The following CPVL variants were observed in gnomAD, a reference collection of about 807,000 sequenced individuals.
CPVL encodes carboxypeptidase vitellogenic like.
CPVL carries 51 observed loss-of-function variants against 63.7 expected under a neutral mutation model. The observed-to-expected ratio is 0.80, with a 90% confidence interval of 0.64 to 1.01. The LOEUF (loss-of-function observed/expected upper bound fraction) is 1.01, where lower values mean the gene tolerates loss of function less well. Ranked by LOEUF, CPVL falls within the 50% of genes least tolerant of loss-of-function variation. The pLI is 0.00. For missense variants in CPVL, 530 were observed against 573.1 expected (o/e 0.92, Z 0.77); for synonymous variants, 195 against 206.0 (o/e 0.95, Z 0.46).
At chr7:29,129,225 G>C (rs1025153161) in intron 1 of CPVL, among the ~76,000 whole-genome samples, 7 of 152,146 alleles carry the variant, frequency 4.6e-5, no homozygotes. Flanking sequence ...ATGAGAAATG[G>C]TCAGCTACAT....
intron 5 of CPVL, among the ~76,000 whole-genome samples, chr7:29,093,351 TG>T (rs1213517197): frequency 8.1e-6 from 1 of 123,026 alleles, no homozygotes; most frequent in Non-Finnish European, 1.6e-5. Flanking sequence ...CATTCCAGCC[TG>T]GGTGACCAAG....
At chr7:29,172,493 C>A (rs780552242) in intron 5 of CPVL, among the ~76,000 whole-genome samples, 1 of 152,154 alleles carries the variant, frequency 6.6e-6, no homozygotes, top group Admixed American at 6.5e-5. Flanking sequence ...AATAACCAAG[C>A]CTTCAGATTC....
chr7:29,070,566 C>T (rs1783636297), intron 9 of CPVL, among the ~76,000 whole-genome samples: 1 of 152,164 alleles, frequency 6.6e-6, no homozygotes, highest in Admixed American at 6.5e-5. Context: ...CTACATGTGC[C>T]CCAGGAGACC....
intron 3 of CPVL, among the ~76,000 whole-genome samples, chr7:29,101,274 G>A (rs1787088802): frequency 6.6e-6 from 1 of 152,198 alleles, no homozygotes; most frequent in African/African-American, 2.4e-5. Flanking sequence ...AGTGTATGAA[G>A]CAAGACAATT....
chr7:29,099,071 A>C (rs1786774493), intron 3 of CPVL, among the ~76,000 whole-genome samples: 1 of 151,994 alleles, frequency 6.6e-6, no homozygotes, highest in African/African-American at 2.4e-5. Flanking sequence ...GTCTCAAAAA[A>C]ATAATAATAA....
chr7:29,110,205 T>A (rs762755309), intron 3 of CPVL, among the ~76,000 whole-genome samples: 4 of 152,138 alleles, frequency 2.6e-5, no homozygotes, highest in Non-Finnish European at 4.4e-5. Flanking sequence ...GAATTGGAGT[T>A]CTCCAGCTAG....
At chr7:29,075,018 T>C (rs1464471846) in intron 7 of CPVL, among the ~76,000 whole-genome samples, 1 of 152,154 alleles carries the variant, frequency 6.6e-6, no homozygotes, top group East Asian at 1.9e-4. Flanking sequence ...TACTTCTAAA[T>C]ACTTTTCCCC....
intron 5 of CPVL, among the ~76,000 whole-genome samples, chr7:29,168,311 G>A (rs768286012): frequency 1.3e-5 from 2 of 152,150 alleles, no homozygotes; most frequent in East Asian, 3.9e-4. Context: ...TTCTCATCTT[G>A]TGTCAGCTTT....
At chr7:29,167,168 AT>A (rs1343977575) in intron 5 of CPVL, among the ~76,000 whole-genome samples, 1 of 152,166 alleles carries the variant, frequency 6.6e-6, no homozygotes, top group African/African-American at 2.4e-5. Flanking sequence ...AATATCTTGA[AT>A]TTTGTGTTAA....
intron 12 of CPVL, chr7:29,011,204 T>C (rs1417970750): frequency 6.6e-6 from 1 of 152,240 alleles, no homozygotes; most frequent in Non-Finnish European, 1.5e-5. Flanking sequence ...GCATGGGTTC[T>C]TAATCTGTTT....
chr7:29,079,964 A>G (rs929365424), intron 7 of CPVL, among the ~76,000 whole-genome samples: 5 of 152,196 alleles, frequency 3.3e-5, no homozygotes, highest in African/African-American at 1.2e-4. Flanking sequence ...AACAATCATG[A>G]TACAGATGGA....
At chr7:29,116,296 C>T (rs983922277) in intron 2 of CPVL, among the ~76,000 whole-genome samples, 2 of 152,188 alleles carry the variant, frequency 1.3e-5, no homozygotes, top group Non-Finnish European at 2.9e-5. Context: ...TAAATTTCCA[C>T]TAACTAAATC....
intron 5 of CPVL, among the ~76,000 whole-genome samples, chr7:29,168,975 T>C (rs1016847364): frequency 1.3e-5 from 2 of 152,194 alleles, no homozygotes. Context: ...GTATAATAAA[T>C]TCTATTTGAT....
intron 11 of CPVL, among the ~76,000 whole-genome samples, chr7:29,043,105 T>C (rs1046021866): frequency 5.9e-5 from 9 of 152,196 alleles, no homozygotes; most frequent in Admixed American, 1.3e-4. Flanking sequence ...GCCAGGAGTC[T>C]AATTCCCACC....
chr7:29,147,610 T>C (rs958309591), upstream of CPVL, among the ~76,000 whole-genome samples: 2 of 152,204 alleles, frequency 1.3e-5, no homozygotes, highest in Non-Finnish European at 2.9e-5. Flanking sequence ...AAGTATGTGC[T>C]CAGTGACTGC....
At chr7:29,002,545 T>G (rs1366868603) in intron 12 of CPVL, among the ~76,000 whole-genome samples, 1 of 151,846 alleles carries the variant, frequency 6.6e-6, no homozygotes, top group East Asian at 1.9e-4. Flanking sequence ...TGACTAAAAT[T>G]TAAGGAGAAA....
intron 5 of CPVL, among the ~76,000 whole-genome samples, chr7:29,154,740 C>T (rs1230362379): frequency 2.0e-5 from 3 of 152,106 alleles, no homozygotes; most frequent in Non-Finnish European, 4.4e-5. Flanking sequence ...GAGGCTGAGG[C>T]AGGAGAATCT....
intron 2 of CPVL, among the ~76,000 whole-genome samples, chr7:29,118,627 C>A (rs1247916486): frequency 6.6e-6 from 1 of 152,172 alleles, no homozygotes; most frequent in East Asian, 1.9e-4. Flanking sequence ...CTTACACATA[C>A]CCTTAAAATA....
At chr7:29,171,863 A>ATAGTTCT (rs1312737755) in intron 5 of CPVL, among the ~76,000 whole-genome samples, 2 of 152,236 alleles carry the variant, frequency 1.3e-5, no homozygotes, top group African/African-American at 4.8e-5. Context: ...GCCGTCACAT[A>ATAGTTCT]TAGTTCTTAC....
Sources: gnomAD v4.1 joint callset for allele counts (sites outside exome capture counted in the v4.1 genomes callset) on GRCh38, gnomAD v4.1.1 for gene constraint, MANE v1.5 for transcripts, NCBI Gene and HGNC (gene_info 2026-07-23, HGNC 2026-07-21) for gene names.